FOCAD: variants seen among roughly 807,000 people sequenced by gnomAD.
FOCAD encodes the protein KIAA1797.
A neutral mutation model predicts 225.6 loss-of-function variants in FOCAD; 198 were observed. That is an observed-to-expected ratio of 0.88 (90% confidence interval 0.78 to 0.99). The LOEUF (loss-of-function observed/expected upper bound fraction) is 0.99. Ranked by LOEUF, FOCAD falls within the 50% of genes least tolerant of loss-of-function variation. The pLI is 0.00. For missense variants in FOCAD, 2,713 were observed against 2,123.6 expected (o/e 1.28, Z -5.46); for synonymous variants, 897 against 755.0 (o/e 1.19, Z -3.08).
At position 20,885,073 on chromosome 9, in the gene FOCAD, AAAAAT is replaced by A. The variant is rs748924253; in HGVS notation, c.2504-27_2504-23del. On this transcript the variant is annotated intron_variant, in intron 20 of 43. Transcript: ENST00000338382. Reference sequence around the variant, plus strand: ...GATTCTGTCTTAAAAAAATAAAAATAAAAATAAAATAAAGTCTATATAATTTTTTT... The same window carrying A: ...GATTCTGTCTTAAAAAAATAAAAATAAAAATAAAGTCTATATAATTTTTTT... 1.2e-5 allele frequency: 15 copies of A among 1,228,230 alleles called. No homozygotes were observed. The Middle Eastern group carries it at 8.1e-4, about 66-fold the overall frequency. The allele number at this position is 1,228,230 out of a possible 1,614,324, so 76.1% of individuals were successfully genotyped here. A position where few individuals can be genotyped will look rare whatever the true frequency, so the allele number is the denominator to read the frequency against.
At chr9:20,693,419 A>C (rs892247867) in intron 1 of FOCAD, among the ~76,000 whole-genome samples, 1 of 152,170 alleles carries the variant, frequency 6.6e-6, no homozygotes, top group African/African-American at 2.4e-5. Context: ...ACTTTTATCC[A>C]TAGCACTTAT....
intron 27 of FOCAD, among the ~76,000 whole-genome samples, chr9:20,932,350 G>A (rs140863081): frequency 1.1e-4 from 16 of 152,238 alleles, no homozygotes; most frequent in African/African-American, 2.6e-4. Context: ...GAGTTAAGAC[G>A]TAGGAACCTG....
At chr9:20,662,350 G>T (rs773720097) in intron 2 of FOCAD, among the ~76,000 whole-genome samples, 5 of 152,156 alleles carry the variant, frequency 3.3e-5, no homozygotes, top group Non-Finnish European at 7.4e-5. Context: ...CTCCTTTAGG[G>T]TCAGCCTCGG....
intron 7 of FOCAD, among the ~76,000 whole-genome samples, chr9:20,766,052 G>C (rs1025633195): frequency 6.6e-6 from 1 of 152,182 alleles, no homozygotes; most frequent in Non-Finnish European, 1.5e-5. Flanking sequence ...TTTGTTTTGT[G>C]TGGGCAATAA....
At chr9:20,927,156 A>G (rs537826291) in intron 26 of FOCAD, among the ~76,000 whole-genome samples, 5 of 152,232 alleles carry the variant, frequency 3.3e-5, no homozygotes, top group African/African-American at 1.2e-4. Flanking sequence ...GTCAAGAGCT[A>G]CAGTTGTAGT....
chr9:20,820,991 T>G lies in FOCAD; in HGVS notation c.1713T>G (p.Pro571=). The part of the protein sequence containing the change: ...LQRFMAVSDV[P]SLSVGKEVQW... ...GTTTCATGGCTGTGTCTGATGTACC[T>G]TCTCTTTCGGTGGGCAAGGAAGTCC... Residue 571 remains proline (P), a synonymous_variant, in exon 14 of 44, where the codon CCT becomes CCG. Transcript: ENST00000338382. 6.2e-7 allele frequency: 1 copy of G among 1,612,854 alleles called. No homozygotes were observed. The highest frequency in any genetic ancestry group is 1.1e-5 in the South Asian group (1 of 91,034).
intron 2 of FOCAD, among the ~76,000 whole-genome samples, chr9:20,677,546 A>G (rs1476418665): frequency 1.3e-5 from 2 of 152,192 alleles, no homozygotes; most frequent in Non-Finnish European, 2.9e-5. Context: ...TAAAAAATGG[A>G]CTAAGGACCT....
intron 43 of FOCAD, among the ~76,000 whole-genome samples, chr9:20,994,133 T>C (rs1055547100): frequency 1.3e-5 from 2 of 152,236 alleles, no homozygotes; most frequent in African/African-American, 4.8e-5. Context: ...ATAAGTAGTG[T>C]TTTTAATGAG....
chr9:20,943,527 G>C (rs183446966), intron 28 of FOCAD, among the ~76,000 whole-genome samples: 1 of 152,270 alleles, frequency 6.6e-6, no homozygotes, highest in East Asian at 1.9e-4. Context: ...CCTGTAGCCT[G>C]TCTATCCTTC....
intron 11 of FOCAD, among the ~76,000 whole-genome samples, chr9:20,793,065 C>G (rs1425880447): frequency 6.6e-6 from 1 of 152,096 alleles, no homozygotes. Context: ...ATTGCTACCC[C>G]CTGAAGTCAG....
chr9:20,944,422 A>G (rs1836972747), intron 28 of FOCAD, among the ~76,000 whole-genome samples: 1 of 152,110 alleles, frequency 6.6e-6, no homozygotes, highest in Admixed American at 6.6e-5. Context: ...GGCCACAGAT[A>G]CATGTTTTGA....
Position 20,678,589 on chromosome 9 carries a change from C to T in FOCAD, c.-77-15931C>T, listed in dbSNP as rs540284329. ...ATTCTCTTTTTGCCCCTTCACAGTG[C>T]TGCAGGAGGCCGACCTATAACTGCA... On this transcript the variant is annotated intron_variant, in intron 2 of 45. Coordinates refer to the FOCAD transcript ENST00000380249. Among the ~76,000 whole-genome samples the T allele has an allele frequency of 9.8e-5, 15 of 152,314 alleles. No individual in the cohort carries two copies. In the South Asian group the frequency reaches 2.9e-3, roughly 29 times the overall value.
intron 6 of FOCAD, among the ~76,000 whole-genome samples, chr9:20,760,292 A>G (rs762973027): frequency 3.3e-5 from 5 of 152,208 alleles, no homozygotes; most frequent in Non-Finnish European, 7.3e-5. Context: ...ACTTGTTGAT[A>G]TCTTATGGAA....
At chr9:20,882,738 A>G (rs1830780295) in intron 20 of FOCAD, among the ~76,000 whole-genome samples, 1 of 152,172 alleles carries the variant, frequency 6.6e-6, no homozygotes, top group Non-Finnish European at 1.5e-5. Flanking sequence ...GAGTGACACA[A>G]CTCAGAACTT....
At chr9:20,764,539 G>A (rs574255679) in intron 6 of FOCAD, among the ~76,000 whole-genome samples, 2 of 152,318 alleles carry the variant, frequency 1.3e-5, no homozygotes, top group South Asian at 2.1e-4. Flanking sequence ...ATAGGCGTGA[G>A]CCTCCGTGCC....
At chr9:20,986,960 G>A (rs1340172876) in intron 40 of FOCAD, among the ~76,000 whole-genome samples, 1 of 152,140 alleles carries the variant, frequency 6.6e-6, no homozygotes. Flanking sequence ...TGAATCACAT[G>A]ATGCAATTTT....
intron 2 of FOCAD, among the ~76,000 whole-genome samples, chr9:20,662,532 G>A (rs1013767460): frequency 3.3e-5 from 5 of 152,130 alleles, no homozygotes; most frequent in Admixed American, 6.5e-5. Flanking sequence ...TGTCCAGCCT[G>A]CATCTGGTTT....
chr9:20,699,802 A>ATATG (rs1210524335), intron 1 of FOCAD, among the ~76,000 whole-genome samples: 1 of 123,456 alleles, frequency 8.1e-6, no homozygotes, highest in African/African-American at 3.1e-5. Context: ...ATATATATAT[A>ATATG]TATATATATA....
chr9:20,937,539 A>T (rs1201353383), intron 28 of FOCAD, among the ~76,000 whole-genome samples: 1 of 151,714 alleles, frequency 6.6e-6, no homozygotes, highest in Non-Finnish European at 1.5e-5. Context: ...TAGAAAGCTG[A>T]AACTGGATCC....
Sources: allele counts gnomAD v4.1 joint callset (sites outside exome capture counted in the v4.1 genomes callset), GRCh38; gene constraint gnomAD v4.1.1; transcripts MANE v1.5; gene names NCBI Gene and HGNC (gene_info 2026-07-23, HGNC 2026-07-21).